KLHL29: variants seen among roughly 807,000 people sequenced by gnomAD.
KLHL29 encodes the protein kelch-like protein 29.
KLHL29 carries 21 observed loss-of-function variants against 80.4 expected under a neutral mutation model. That is an observed-to-expected ratio of 0.26 (90% CI 0.19 to 0.38). The LOEUF is 0.38. KLHL29 is among the 10% of genes least tolerant of loss of function. The pLI is 1.00. For synonymous variants in KLHL29, 511 were observed against 526.8 expected (o/e 0.97, Z 0.41); for missense variants, 867 against 1,223.9 (o/e 0.71, Z 4.35).
At chr2:23,523,017 C>T (rs181093960) in intron 2 of KLHL29, among the ~76,000 whole-genome samples, 1 of 151,554 alleles carries the variant, frequency 6.6e-6, no homozygotes, top group East Asian at 1.9e-4. Context: ...AATCTATGCG[C>T]CTGCCTGTGG....
chr2:23,525,991 T>C (rs1010837656), intron 2 of KLHL29, among the ~76,000 whole-genome samples: 10 of 152,164 alleles, frequency 6.6e-5, no homozygotes, highest in African/African-American at 2.4e-4. Context: ...CTGACATCCG[T>C]GGACCTGCAG....
chr2:23,577,378 G>T lies in KLHL29; in HGVS notation c.285+14897G>T, dbSNP rs189119806. Among the ~76,000 whole-genome samples, 762 of 152,300 alleles carry T rather than the reference G, an allele frequency of 5.0e-3. 5 individuals are homozygous for T. Among genetic ancestry groups the T allele is most frequent in the African/African-American group, 0.017 (727 of 41,568 alleles). On this transcript the variant is annotated intron_variant, in intron 3 of 13. Transcript: ENST00000486442. ...AGGCAGGAGAATCGCCTGAACCCAGGAGGCGGAGGTTGCAGTGAGCTGAGA... is the reference window on the plus strand; with the variant it reads ...AGGCAGGAGAATCGCCTGAACCCAGTAGGCGGAGGTTGCAGTGAGCTGAGA...
At chr2:23,670,972 CTCTCTCTCCCTCCCTCCCT>C (rs1670718227) in intron 5 of KLHL29, among the ~76,000 whole-genome samples, 1 of 22,506 alleles carries the variant, frequency 4.4e-5, no homozygotes, top group Non-Finnish European at 1.2e-4. Flanking sequence ...CTCTCTCTCT[CTCTCTCTCCCTCCCTCCCT>C]CCCTCCCTCC....
At chr2:23,554,943 G>A (rs929204447) in intron 2 of KLHL29, among the ~76,000 whole-genome samples, 2 of 152,128 alleles carry the variant, frequency 1.3e-5, no homozygotes, top group Non-Finnish European at 2.9e-5. Context: ...CTGGGCCTGG[G>A]GCACCAGGAT....
intron 1 of KLHL29, among the ~76,000 whole-genome samples, chr2:23,414,231 A>G (rs190363835): frequency 6.6e-6 from 1 of 152,338 alleles, no homozygotes; most frequent in African/African-American, 2.4e-5. Context: ...GTGGATCTCA[A>G]ATGAATGTGC....
chr2:23,552,419 G>C (rs1572396029), intron 2 of KLHL29, among the ~76,000 whole-genome samples: 1 of 152,288 alleles, frequency 6.6e-6, no homozygotes, highest in East Asian at 1.9e-4. Context: ...AGCAGTTAAA[G>C]AAAAAAGAAG....
At chr2:23,578,942 C>T (rs1288498066) in intron 3 of KLHL29, among the ~76,000 whole-genome samples, 1 of 152,214 alleles carries the variant, frequency 6.6e-6, no homozygotes, top group African/African-American at 2.4e-5. Flanking sequence ...CAAAGTCAGG[C>T]ATTTTGCAGA....
At chr2:23,530,025 CT>C (rs1666444629) in intron 2 of KLHL29, among the ~76,000 whole-genome samples, 1 of 152,184 alleles carries the variant, frequency 6.6e-6, no homozygotes, top group South Asian at 2.1e-4. Context: ...TTTCCATGTG[CT>C]CTTCAATATG....
intron 2 of KLHL29, 47 bp downstream of exon 2, chr2:23,475,714 T>G (rs1020085223): frequency 1.2e-5 from 2 of 166,848 alleles, no homozygotes; most frequent in African/African-American, 4.8e-5. Context: ...GCATCAGACC[T>G]GAGCATAGCC....
chr2:23,556,208 A>G (rs2103492675), intron 2 of KLHL29, among the ~76,000 whole-genome samples: 1 of 152,318 alleles, frequency 6.6e-6, no homozygotes, highest in East Asian at 1.9e-4. Flanking sequence ...TTGTGTGTGC[A>G]GTGTCCAGGC....
At chr2:23,600,262 G>A (rs542839353) in intron 3 of KLHL29, among the ~76,000 whole-genome samples, 3 of 152,112 alleles carry the variant, frequency 2.0e-5, no homozygotes, top group Non-Finnish European at 4.4e-5. Context: ...GGATGGAAGG[G>A]GACTCAGCAT....
intron 3 of KLHL29, among the ~76,000 whole-genome samples, chr2:23,602,575 C>T (rs534496462): frequency 3.2e-4 from 48 of 151,394 alleles, no homozygotes; most frequent in Admixed American, 4.6e-4. Flanking sequence ...AATGTCCCTC[C>T]TACCCAAGGG....
At chr2:23,642,270 G>A (rs373310124) in intron 4 of KLHL29, 68 bp from the exon 5 acceptor site, 40 of 1,349,656 alleles carry the variant, frequency 3.0e-5, no homozygotes, top group African/African-American at 2.8e-4. Flanking sequence ...GTGCAGGGCC[G>A]GGGATGGTCA....
At chr2:23,594,176 C>T (rs536358856) in intron 3 of KLHL29, among the ~76,000 whole-genome samples, 2 of 152,258 alleles carry the variant, frequency 1.3e-5, no homozygotes, top group South Asian at 2.1e-4. Context: ...CTCTGCCTGG[C>T]GCGTTGCCTT....
chr2:23,605,107 CTTTT>C (rs386389703), intron 3 of KLHL29, among the ~76,000 whole-genome samples: 14 of 92,476 alleles, frequency 1.5e-4, no homozygotes, highest in African/African-American at 4.7e-4. Flanking sequence ...TCCTTTGTTG[CTTTT>C]TTTTTTTTTT....
At chr2:23,483,221 A>C (rs1014359697) in intron 2 of KLHL29, among the ~76,000 whole-genome samples, 1 of 152,222 alleles carries the variant, frequency 6.6e-6, no homozygotes, top group Non-Finnish European at 1.5e-5. Flanking sequence ...CAACTAGCTT[A>C]GTTTGATCAA....
At chr2:23,654,718 T>G in intron 5 of KLHL29, among the ~76,000 whole-genome samples, 1 of 145,580 alleles carries the variant, frequency 6.9e-6, no homozygotes, top group Admixed American at 7.1e-5. Context: ...GTGGATGTTT[T>G]GTATGTGCCT....
intron 5 of KLHL29, among the ~76,000 whole-genome samples, chr2:23,648,260 A>G (rs1046257432): frequency 1.3e-5 from 2 of 152,094 alleles, no homozygotes; most frequent in African/African-American, 4.8e-5. Context: ...GGGGGAGAAG[A>G]CTAGAACCCA....
chr2:23,650,457 C>T (rs1429192438), intron 5 of KLHL29, among the ~76,000 whole-genome samples: 2 of 152,226 alleles, frequency 1.3e-5, no homozygotes, highest in Non-Finnish European at 2.9e-5. Context: ...CCCTCTCTCT[C>T]AATGCTTGGC....
Sources: allele counts gnomAD v4.1 joint callset (sites outside exome capture counted in the v4.1 genomes callset), GRCh38; gene constraint gnomAD v4.1.1; transcripts MANE v1.5; gene names NCBI Gene and HGNC (gene_info 2026-07-23, HGNC 2026-07-21).